The following CEP131 variants were observed in gnomAD, a reference collection of about 807,000 sequenced individuals.
CEP131 encodes centrosomal protein of 131 kDa.
Under a neutral mutation model 136.8 loss-of-function variants are expected in CEP131, and 99 were observed. The ratio of observed to expected loss-of-function variants is 0.72; its 90% CI spans 0.62 to 0.86. The LOEUF is 0.86. CEP131 is among the 40% of genes least tolerant of loss of function. CEP131 has a pLI of 0.00. For missense variants in CEP131, 1,459 were observed against 1,463.0 expected (o/e 1.00, Z 0.04); for synonymous variants, 646 against 612.7 (o/e 1.05, Z -0.80).
Position 81,193,958 on chromosome 17 carries a change from C to G in CEP131, c.2289G>C (p.Leu763=). 1 of 1,541,592 alleles carries G rather than the reference C, an allele frequency of 6.5e-7. No individual in the cohort carries two copies. Among genetic ancestry groups the G allele is most frequent in the Non-Finnish European group, 8.7e-7 (1 of 1,143,258 alleles). Residue 763 remains leucine (L), a synonymous_variant, in exon 18 of 26, where the codon CTG becomes CTC. Transcript: ENST00000450824. ...REQLEREKEA[L]GQQERERARQ... is the part of the protein sequence containing the mutation. ...GAGCACGTTCGCGCTCCTGCTGGCC[C>G]AGCGCCTCCTTCTCCCGCTCCAGCT...
At position 81,199,069 on chromosome 17, in the gene CEP131, G is replaced by A. The variant is rs566282962; in HGVS notation, c.1193-98C>T. On this transcript the variant is annotated intron_variant, in intron 10 of 25. Coordinates refer to ENST00000450824, the MANE Select transcript of CEP131 (RefSeq NM_014984.4). ...GGAAGGAGCCAGGCATGGGGGAGGC[G>A]GAGGCGACCCCAGAAGCAGAGGAGC... The A allele has an allele frequency of 9.7e-5, 116 of 1,199,484 alleles. 1 individual carries two copies. Among genetic ancestry groups the A allele is most frequent in the African/African-American group, 2.2e-4 (14 of 65,056 alleles). The allele number at this position is 1,199,484 out of a possible 1,614,324, so 74.3% of individuals were successfully genotyped here.
intron 18 of CEP131, 147 bp from the exon 19 acceptor site, chr17:81,192,990 G>T: frequency 7.5e-7 from 1 of 1,328,436 alleles, no homozygotes; most frequent in Non-Finnish European, 1.0e-6. Flanking sequence ...GGCAGTCAAG[G>T]CCCCTCAAAG....
intron 2 of CEP131, among the ~76,000 whole-genome samples, chr17:81,216,477 G>A (rs989060528): frequency 5.9e-5 from 9 of 152,206 alleles, no homozygotes; most frequent in African/African-American, 1.7e-4. Flanking sequence ...GCTGCAGTAA[G>A]CTGTGGTTTC....
chr17:81,191,095 G>T lies in CEP131; in HGVS notation c.2766-11C>A, dbSNP rs749555574. On this transcript the variant is annotated splice_polypyrimidine_tract_variant and intron_variant, in intron 22 of 25. Coordinates refer to ENST00000450824, the MANE Select transcript of CEP131 (RefSeq NM_014984.4). Reference sequence around the variant, plus strand: ...CGTAAGCGCTTGATGCTGGAGGTGGGGGGAGGGCAGGGTCACTCCAGCCCA... The same window carrying T: ...CGTAAGCGCTTGATGCTGGAGGTGGTGGGAGGGCAGGGTCACTCCAGCCCA... 6.3e-7 allele frequency: 1 copy of T among 1,599,480 alleles called. No individual in the cohort carries two copies. The highest frequency in any genetic ancestry group is 1.1e-5 in the South Asian group (1 of 89,854).
chr17:81,217,926 C>T (rs9896850), intron 2 of CEP131, among the ~76,000 whole-genome samples: 66,759 of 151,964 alleles, frequency 0.44, 15,084 homozygotes, highest in Non-Finnish European at 0.48. Context: ...CGCCGAAAGA[C>T]CATCTACTAG....
intron 5 of CEP131, 37 bp downstream of exon 5, chr17:81,206,707 C>T (rs1003844003): frequency 2.5e-6 from 4 of 1,579,908 alleles, no homozygotes; most frequent in Non-Finnish European, 3.4e-6. Context: ...AGGAGCTTCC[C>T]ACTGGTGCCC....
In CEP131 at chr17:81,198,162, G is replaced by C; in HGVS notation, c.1423C>G (p.Pro475Ala). Residue 475 changes from proline to alanine, a missense_variant, in exon 12 of 26, where the codon CCC becomes GCC. This residue lies in a region of CEP131 where 1,026 missense variants were observed against 964.2 expected (regional missense o/e 1.06). Coordinates refer to ENST00000450824, the MANE Select transcript of CEP131 (RefSeq NM_014984.4). Reference protein sequence around the residue: ...QLLEKEPDVLPRPRTHHRGRY... With the variant: ...QLLEKEPDVLARPRTHHRGRY... ...CCCCTGTGATGGGTCCTGGGGCGGGGCAGCACGTCCGGCTCCTTCTCCAGC... is the reference window on the plus strand; with the variant it reads ...CCCCTGTGATGGGTCCTGGGGCGGGCCAGCACGTCCGGCTCCTTCTCCAGC... The C allele has an allele frequency of 6.3e-7, 1 of 1,575,154 alleles. No individual in the cohort carries two copies. Among genetic ancestry groups the C allele is most frequent in the Non-Finnish European group, 8.6e-7 (1 of 1,160,592 alleles).
intron 1 of CEP131, among the ~76,000 whole-genome samples, chr17:81,221,630 C>A (rs2062390557): frequency 2.0e-5 from 3 of 152,202 alleles, no homozygotes; most frequent in Admixed American, 6.5e-5. Context: ...TCAGGACACT[C>A]CCTCCCTGCA....
At chr17:81,213,574 T>A (rs1263709727) in intron 2 of CEP131, among the ~76,000 whole-genome samples, 1 of 141,336 alleles carries the variant, frequency 7.1e-6, no homozygotes, top group East Asian at 2.0e-4. Flanking sequence ...AAAAAAAAAA[T>A]TATAAATGAG....
At chr17:81,206,630 A>G in intron 5 of CEP131, 114 bp downstream of exon 5, 2 of 1,373,390 alleles carry the variant, frequency 1.5e-6, no homozygotes, top group Non-Finnish European at 2.0e-6. Flanking sequence ...TCACTCACTC[A>G]TTCATTCATT....
In CEP131 at chr17:81,192,572, C is replaced by T. The variant is rs1005788712; in HGVS notation, c.2451G>A (p.Glu817=). The T allele has an allele frequency of 6.2e-7, 1 of 1,608,650 alleles. No homozygotes were observed. Among genetic ancestry groups the T allele is most frequent in the Non-Finnish European group, 8.5e-7 (1 of 1,179,422 alleles). The change falls in exon 20 of 26, where the codon GAG becomes GAA. Residue 817 remains glutamate (E), a synonymous_variant. Transcript: ENST00000450824. ...QAARQRAELE[E]LRQQLEESSS... is the part of the protein sequence containing the mutation. ...TGCTCTCCTCCAGCTGCTGCCTCAG[C>T]TCTTCCAGCTCCGCCCGCTGCCTGC...
chr17:81,199,947 A>G, intron 8 of CEP131, 112 bp from the exon 9 acceptor site: 2 of 1,042,578 alleles, frequency 1.9e-6, no homozygotes, highest in Non-Finnish European at 2.9e-6. Flanking sequence ...GTGGAATCTC[A>G]GGGCCAGCAG....
intron 8 of CEP131, chr17:81,200,082 C>T: frequency 1.6e-6 from 1 of 608,126 alleles, no homozygotes; most frequent in African/African-American, 1.8e-5. Context: ...ACAGAACGTC[C>T]TCCTGAGACT....
At chr17:81,199,972 C>T (rs1413942266) in intron 8 of CEP131, 137 bp from the exon 9 acceptor site, 2 of 857,844 alleles carry the variant, frequency 2.3e-6, no homozygotes, top group African/African-American at 3.3e-5. Context: ...AGTGAAACCC[C>T]ACCAGGACCT....
chr17:81,206,795 C>T lies in CEP131; in HGVS notation c.464G>A (p.Arg155Gln), dbSNP rs752025148. ...SSALDSPAGP[R>Q]RKECTVALAP... ...CAGGGCCACGGTGCATTCTTTCCTC[C>T]GCGGGCCCGCTGGTGAGTCAAGGGC... The change falls in exon 5 of 26, where the codon CGG (arginine) becomes CAG (glutamine). Residue 155 changes from arginine (R) to glutamine (Q), a missense_variant. Physicochemically the swap from Arg to Gln is conservative, Grantham distance 43 (BLOSUM62 1). This residue lies in a region of CEP131 where 246 missense variants were observed against 318.9 expected (regional missense o/e 0.77). Transcript: ENST00000450824. The T allele has an allele frequency of 6.2e-6, 10 of 1,614,010 alleles. No individual in the cohort carries two copies. Among genetic ancestry groups the T allele is most frequent in the Admixed American group, 3.3e-5 (2 of 59,998 alleles).
chr17:81,196,421 C>G (rs1442711233), intron 15 of CEP131, among the ~76,000 whole-genome samples: 2 of 152,254 alleles, frequency 1.3e-5, no homozygotes, highest in East Asian at 3.9e-4. Context: ...TAGGTCTCTT[C>G]TCTTCAGAAC....
chr17:81,203,823 C>A lies in CEP131; in HGVS notation c.516-216G>T. 1.8e-6 allele frequency: 1 copy of A among 557,980 alleles called. No homozygotes were observed. Among genetic ancestry groups the A allele is most frequent in the Non-Finnish European group, 3.2e-6 (1 of 312,166 alleles). The allele number at this position is 557,980 out of a possible 1,614,324, so 34.6% of individuals were successfully genotyped here. A position where few individuals can be genotyped will look rare whatever the true frequency, so the allele number is the denominator to read the frequency against. On this transcript the variant is annotated intron_variant, in intron 5 of 25. Coordinates refer to ENST00000450824, the MANE Select transcript of CEP131 (RefSeq NM_014984.4). This position sits in a 1 kb window ranked among gnomAD's most constrained non-coding sequence, Gnocchi z 4.6. The stretch of plus-strand genomic sequence containing the variant: ...GGACAGGAAAGCTGGACCAGGGGCT[C>A]CCACGGGGCAGGGGATAGAATCGAG...
rs766517500 is a variant in CEP131, at chr17:81,212,199, T to C, written c.178-3177A>G. On this transcript the variant is annotated intron_variant, in intron 2 of 25. Transcript: ENST00000450824. ...TTAGCCGGGCATGGTGGCACGCACC[T>C]GTAATCCCAGCTACTCAGGAGGCTG... Among the ~76,000 whole-genome samples, 128 of 151,486 alleles carry C rather than the reference T, an allele frequency of 8.4e-4. 4 individuals carry two copies. The highest frequency in any genetic ancestry group is 2.1e-4 in the Non-Finnish European group (14 of 67,938).
At chr17:81,210,801 T>A in intron 2 of CEP131, among the ~76,000 whole-genome samples, 1 of 135,786 alleles carries the variant, frequency 7.4e-6, no homozygotes, top group African/African-American at 2.9e-5. Flanking sequence ...ATCCTTAAGC[T>A]GAAAACAACC....
Sources: allele counts gnomAD v4.1 joint callset (sites outside exome capture counted in the v4.1 genomes callset), GRCh38; gene constraint gnomAD v4.1.1; regional missense constraint gnomAD v4.1.1; non-coding constraint Gnocchi (gnomAD v3.1); transcripts MANE v1.5; gene names NCBI Gene and HGNC (gene_info 2026-07-23, HGNC 2026-07-21).